Variants in ENKUR observed in about 807,000 individuals in gnomAD.
ENKUR encodes enkurin, TRPC channel interacting protein, also known as enkurin.
Under a neutral mutation model 27.6 loss-of-function variants are expected in ENKUR, and 19 were observed. That is an observed-to-expected ratio of 0.69 (90% CI 0.48 to 1.01). ENKUR has a LOEUF of 1.01. ENKUR is among the 50% of genes least tolerant of loss of function. The pLI, the probability that ENKUR is intolerant of heterozygous loss-of-function variation, is 0.00. For synonymous variants in ENKUR, 117 were observed against 96.9 expected (o/e 1.21, Z -1.22); for missense variants, 312 against 310.5 (o/e 1.00, Z -0.04).
At chr10:25,036,402 A>G (rs560698864) in intron 2 of ENKUR, among the ~76,000 whole-genome samples, 42 of 152,288 alleles carry the variant, frequency 2.8e-4, no homozygotes, top group African/African-American at 7.7e-4. Context: ...ATTAAACCTC[A>G]TTTTCTTTAA....
chr10:25,024,651 ACTT>A, intron 2 of ENKUR: 1 of 1,614,248 alleles, frequency 6.2e-7, no homozygotes, highest in Non-Finnish European at 8.5e-7. Flanking sequence ...GGGGCCGACT[ACTT>A]CCGCAGGTAG....
chr10:25,027,471 A>G (rs1483002226), intron 2 of ENKUR, among the ~76,000 whole-genome samples: 1 of 147,770 alleles, frequency 6.8e-6, no homozygotes, highest in Non-Finnish European at 1.5e-5. Context: ...TGGGAGATGC[A>G]GGTTGCGGTT....
chr10:25,046,078 G>C (rs900145051), intron 2 of ENKUR, among the ~76,000 whole-genome samples: 7 of 152,060 alleles, frequency 4.6e-5, no homozygotes, highest in Admixed American at 1.3e-4. Flanking sequence ...ATGGTAACAG[G>C]ATTGAAAGAA....
rs758028594 is a variant in ENKUR, at chr10:25,053,942, C to T, written c.37+7170G>A. ...CCCAAGCATCCTTCTCAATCTCAGC[C>T]GCTTTCTTACACCAGTGGTCATCTC... On this transcript the variant is annotated intron_variant, in intron 2 of 5. Transcript: ENST00000615958. Among the ~76,000 whole-genome samples the T allele has an allele frequency of 1.1e-4, 17 of 152,186 alleles. No homozygotes were observed. The East Asian group carries it at 1.5e-3, about 14-fold the overall frequency.
intron 2 of ENKUR, among the ~76,000 whole-genome samples, chr10:25,048,711 AG>A (rs947412212): frequency 5.3e-5 from 8 of 152,044 alleles, no homozygotes; most frequent in African/African-American, 1.9e-4. Flanking sequence ...GACTTTGCAA[AG>A]GGTGTGCTCA....
chr10:25,054,597 T>G (rs2130492612), intron 2 of ENKUR, among the ~76,000 whole-genome samples: 1 of 151,648 alleles, frequency 6.6e-6, no homozygotes, highest in South Asian at 2.1e-4. Context: ...CCTTTCTTTC[T>G]TCTTTTTGTG....
chr10:25,055,739 G>A (rs188390188), intron 2 of ENKUR, among the ~76,000 whole-genome samples: 9 of 152,242 alleles, frequency 5.9e-5, no homozygotes, highest in Admixed American at 1.3e-4. Context: ...GTGAAGCTCC[G>A]TTGTGTATCT....
intron 2 of ENKUR, chr10:25,025,100 C>T (rs1195051759): frequency 1.2e-6 from 2 of 1,614,198 alleles, no homozygotes; most frequent in East Asian, 2.2e-5. Context: ...GAGTGCCTAG[C>T]AGCTATTAAC....
chr10:24,985,151 T>C (rs1849754129), intron 4 of ENKUR, among the ~76,000 whole-genome samples: 1 of 152,204 alleles, frequency 6.6e-6, no homozygotes, highest in African/African-American at 2.4e-5. Flanking sequence ...CTTTTGTTGT[T>C]ACTGTACTTG....
chr10:25,039,729 A>T (rs991494138), intron 2 of ENKUR, among the ~76,000 whole-genome samples: 1 of 152,158 alleles, frequency 6.6e-6, no homozygotes, highest in African/African-American at 2.4e-5. Flanking sequence ...ACAGTGGCTT[A>T]AAGCAACCAC....
chr10:25,037,808 C>G (rs937112789), intron 2 of ENKUR, among the ~76,000 whole-genome samples: 2 of 152,132 alleles, frequency 1.3e-5, no homozygotes, highest in South Asian at 2.1e-4. Context: ...AGCTGCCATC[C>G]CTGTTCATTT....
intron 2 of ENKUR, chr10:25,025,480 TC>T (rs761128254): frequency 1.9e-6 from 3 of 1,578,336 alleles, no homozygotes; most frequent in Non-Finnish European, 2.6e-6. Context: ...AATTTTTTTT[TC>T]TAGCTATAAG....
Position 24,982,506 on chromosome 10 carries a change from T to C in ENKUR, c.*1864A>G, listed in dbSNP as rs1465410063. On this transcript the variant is annotated 3_prime_UTR_variant, in exon 6 of 6. Coordinates refer to ENST00000331161, the MANE Select transcript of ENKUR (RefSeq NM_145010.4). Reference sequence around the variant, plus strand: ...AGTCAAACTAGCTGCATAATGAAGTTTGACTTTTTAGTTTCAGGTGTCTAC... The same window carrying C: ...AGTCAAACTAGCTGCATAATGAAGTCTGACTTTTTAGTTTCAGGTGTCTAC... The C allele has an allele frequency of 6.6e-6, 1 of 152,222 alleles. No homozygotes were observed. The highest frequency in any genetic ancestry group is 1.5e-5 in the Non-Finnish European group (1 of 68,062). 9.4% of individuals were successfully genotyped at this position (152,222 alleles called of 1,614,324 possible). A position where few individuals can be genotyped will look rare whatever the true frequency, so the allele number is the denominator to read the frequency against.
chr10:24,992,073 T>C (rs1358851909), intron 3 of ENKUR, among the ~76,000 whole-genome samples: 1 of 152,238 alleles, frequency 6.6e-6, no homozygotes, highest in African/African-American at 2.4e-5. Flanking sequence ...TCAGCTGTGA[T>C]TCTTTCAGCT....
chr10:25,027,653 C>T (rs1850883096), intron 2 of ENKUR, among the ~76,000 whole-genome samples: 1 of 151,846 alleles, frequency 6.6e-6, no homozygotes, highest in Non-Finnish European at 1.5e-5. Flanking sequence ...CTTTGGGAGG[C>T]CGAGGAGGGT....
At chr10:25,008,400 T>TA (rs1172455609) in intron 1 of ENKUR, among the ~76,000 whole-genome samples, 1 of 152,210 alleles carries the variant, frequency 6.6e-6, no homozygotes, top group Admixed American at 6.5e-5. Flanking sequence ...CCATGTCACC[T>TA]AAGAGTTCCT....
chr10:25,003,173 A>T (rs28720969), intron 1 of ENKUR, among the ~76,000 whole-genome samples: 26,103 of 145,438 alleles, frequency 0.18, 2,402 homozygotes, highest in East Asian at 0.36. Flanking sequence ...TTAATTAATT[A>T]ATTAATTAAT....
intron 2 of ENKUR, among the ~76,000 whole-genome samples, chr10:25,029,189 A>G (rs1382428441): frequency 6.6e-6 from 1 of 152,172 alleles, no homozygotes; most frequent in East Asian, 1.9e-4. Flanking sequence ...ACTCTTCTTA[A>G]TAGCATGTAA....
At chr10:25,058,811 G>A (rs1487905708) in intron 2 of ENKUR, among the ~76,000 whole-genome samples, 3 of 151,906 alleles carry the variant, frequency 2.0e-5, no homozygotes, top group East Asian at 2.0e-4. Context: ...CATGCCTGTA[G>A]TCCCAGCTAC....
Sources: allele counts gnomAD v4.1 joint callset (sites outside exome capture counted in the v4.1 genomes callset), GRCh38; gene constraint gnomAD v4.1.1; transcripts MANE v1.5; gene names NCBI Gene and HGNC (gene_info 2026-07-23, HGNC 2026-07-21).